The following GRIK4 variants were observed in gnomAD, a reference collection of about 807,000 sequenced individuals.
The protein encoded by GRIK4 is glutamate receptor ionotropic, kainate 4.
Under a neutral mutation model 104.9 loss-of-function variants are expected in GRIK4, and 40 were observed. That is an observed-to-expected ratio of 0.38 (90% confidence interval 0.30 to 0.50). GRIK4 has a LOEUF of 0.50. GRIK4 is among the 20% of genes least tolerant of loss of function. The pLI is 0.93. For missense variants in GRIK4, 1,047 were observed against 1,308.1 expected, an observed-to-expected ratio of 0.80 and a Z score of 3.08; for synonymous variants, 485 against 524.9, an observed-to-expected ratio of 0.92 and a Z score of 1.04.
Position 120,713,486 on chromosome 11 carries a change from ATGT to A in GRIK4, c.82+53090_82+53092del, listed in dbSNP as rs756735136. On this transcript the variant is annotated intron_variant, in intron 3 of 20. Coordinates refer to ENST00000527524, the MANE Select transcript of GRIK4 (RefSeq NM_014619.5). ...GACATTGGGCTCTTCAGTCATTGTC[ATGT>A]TGTAATTGGCAAATGCAGAAAGCAC... Among the ~76,000 whole-genome samples the A allele has an allele frequency of 1.4e-3, 220 of 152,352 alleles. 1 individual carries two copies. The highest frequency in any genetic ancestry group is 1.4e-3 in the Non-Finnish European group (93 of 68,036).
At chr11:120,528,402 A>T (rs111800793) in intron 1 of GRIK4, among the ~76,000 whole-genome samples, 6,854 of 152,246 alleles carry the variant, frequency 0.045, 182 homozygotes, top group East Asian at 0.065. Context: ...TGAGCCACCA[A>T]GCCCGACCCT....
chr11:120,703,916 A>G (rs1024568001), intron 3 of GRIK4, among the ~76,000 whole-genome samples: 2 of 152,222 alleles, frequency 1.3e-5, no homozygotes, highest in African/African-American at 4.8e-5. Flanking sequence ...AAAGCCAAGA[A>G]TGATGCTTAC....
intron 3 of GRIK4, among the ~76,000 whole-genome samples, chr11:120,661,668 G>C (rs1035224622): frequency 3.3e-5 from 5 of 152,206 alleles, no homozygotes; most frequent in Non-Finnish European, 7.3e-5. Flanking sequence ...TAGGCCAGGG[G>C]TCACAGGCCG....
intron 1 of GRIK4, among the ~76,000 whole-genome samples, chr11:120,651,320 G>A (rs1949616100): frequency 6.6e-6 from 1 of 152,176 alleles, no homozygotes; most frequent in Non-Finnish European, 1.5e-5. Context: ...TGGAAATAAA[G>A]TTCTCAGAGA....
chr11:120,958,054 G>A (rs574601283), intron 16 of GRIK4, among the ~76,000 whole-genome samples: 1 of 152,262 alleles, frequency 6.6e-6, no homozygotes, highest in Non-Finnish European at 1.5e-5. Flanking sequence ...TCAGCAAGGA[G>A]AGTCACGGAA....
intron 12 of GRIK4, among the ~76,000 whole-genome samples, chr11:120,900,897 A>G (rs12280976): frequency 0.11 from 16,380 of 152,212 alleles, 2,883 homozygotes; most frequent in African/African-American, 0.37. Flanking sequence ...AGAGCTGGGA[A>G]CAGCCTGGCT....
At chr11:120,681,462 C>G (rs1950192352) in intron 3 of GRIK4, among the ~76,000 whole-genome samples, 1 of 152,164 alleles carries the variant, frequency 6.6e-6, no homozygotes, top group Non-Finnish European at 1.5e-5. Context: ...CCCTCCTGTC[C>G]TTCTCCTCTG....
chr11:120,853,328 C>A (rs1954018566), intron 8 of GRIK4, among the ~76,000 whole-genome samples: 1 of 152,058 alleles, frequency 6.6e-6, no homozygotes, highest in Non-Finnish European at 1.5e-5. Context: ...AGTTCATGAT[C>A]AAATGTGGAG....
intron 1 of GRIK4, among the ~76,000 whole-genome samples, chr11:120,621,977 T>C (rs1402938175): frequency 6.6e-6 from 1 of 152,098 alleles, no homozygotes; most frequent in African/African-American, 2.4e-5. Flanking sequence ...CTCAGCTCAT[T>C]GCAACCTCCA....
intron 11 of GRIK4, among the ~76,000 whole-genome samples, chr11:120,888,729 T>A (rs180772199): frequency 6.6e-6 from 1 of 152,276 alleles, no homozygotes; most frequent in Admixed American, 6.5e-5. Context: ...TAAACATCCA[T>A]CTATATGTAA....
At chr11:120,929,774 G>C (rs905582934) in intron 13 of GRIK4, among the ~76,000 whole-genome samples, 1 of 152,196 alleles carries the variant, frequency 6.6e-6, no homozygotes, top group Non-Finnish European at 1.5e-5. Context: ...CAAGGTGTTA[G>C]AGGGAACCGG....
chr11:120,760,443 A>G (rs572818130), intron 3 of GRIK4, among the ~76,000 whole-genome samples: 1 of 148,590 alleles, frequency 6.7e-6, no homozygotes, highest in African/African-American at 2.5e-5. Context: ...ACATATATAT[A>G]TATACTTTTC....
intron 1 of GRIK4, among the ~76,000 whole-genome samples, chr11:120,537,660 C>A (rs1947991319): frequency 6.6e-6 from 1 of 152,186 alleles, no homozygotes; most frequent in Non-Finnish European, 1.5e-5. Flanking sequence ...ATGTAGCGGG[C>A]GATCATGGTG....
intron 8 of GRIK4, among the ~76,000 whole-genome samples, chr11:120,840,122 G>A (rs1953675898): frequency 6.6e-6 from 1 of 152,178 alleles, no homozygotes; most frequent in Non-Finnish European, 1.5e-5. Context: ...GGTCTCTGGT[G>A]CAGGGGAAGC....
chr11:120,917,551 C>T lies in GRIK4; in HGVS notation c.1476+12058C>T, dbSNP rs116564936. Among the ~76,000 whole-genome samples the T allele has an allele frequency of 2.3e-3, 347 of 152,298 alleles. 1 individual carries two copies. The highest frequency in any genetic ancestry group is 7.9e-3 in the African/African-American group (328 of 41,558). ...GCAGGACTAAGGAATGACATCGGAG[C>T]GTCACCCGTGCAGGTGCGCTGCTTA... On this transcript the variant is annotated intron_variant, in intron 13 of 20. Transcript: ENST00000527524.
intron 3 of GRIK4, among the ~76,000 whole-genome samples, chr11:120,685,094 A>G (rs1950255603): frequency 6.6e-6 from 1 of 152,220 alleles, no homozygotes; most frequent in Non-Finnish European, 1.5e-5. Flanking sequence ...ATCTGCTGCC[A>G]TCTGTCGGTG....
chr11:120,795,044 G>A (rs60883339), intron 3 of GRIK4, among the ~76,000 whole-genome samples: 2,272 of 152,160 alleles, frequency 0.015, 53 homozygotes, highest in African/African-American at 0.052. Flanking sequence ...CAGAGCTAAC[G>A]CACTCCCCAA....
Position 120,926,761 on chromosome 11 carries a change from C to CTGGAGATGTATGTATGATGTATGATGTA in GRIK4, c.1477-13574_1477-13573insTATGATGTATGATGTATGGAGATGTATG, listed in dbSNP as rs1943354119. On this transcript the variant is annotated intron_variant, in intron 13 of 20. Transcript: ENST00000527524. ...CCTGGCACATGGCAGGTTCTGGACA[C>CTGGAGATGTATGTATGATGTATGATGTA]TGGAGATGTATGATGACTAAGGCAG... 7.9e-5 allele frequency among the ~76,000 whole-genome samples: 12 copies of CTGGAGATGTATGTATGATGTATGATGTA among 152,342 alleles called. No individual in the cohort carries two copies. The South Asian group carries it at 1.5e-3, about 18-fold the overall frequency.
intron 19 of GRIK4, among the ~76,000 whole-genome samples, chr11:120,977,176 C>A (rs1944575215): frequency 6.6e-6 from 1 of 152,194 alleles, no homozygotes; most frequent in Admixed American, 6.5e-5. Flanking sequence ...GAGCGTGATT[C>A]TATTTCAGTG....
Sources: allele counts gnomAD v4.1 joint callset (sites outside exome capture counted in the v4.1 genomes callset), GRCh38; gene constraint gnomAD v4.1.1; transcripts MANE v1.5; gene names NCBI Gene and HGNC (gene_info 2026-07-23, HGNC 2026-07-21).